Variants in DIAPH3 observed in about 807,000 individuals in gnomAD.
The protein encoded by DIAPH3 is diaphanous related formin 3.
DIAPH3 carries 117 observed loss-of-function variants against 144.3 expected under a neutral mutation model. The observed-to-expected ratio is 0.81, with a 90% CI of 0.70 to 0.95. The LOEUF is 0.95. DIAPH3 is among the 40% of genes least tolerant of loss of function. DIAPH3 has a pLI of 0.00. For missense variants in DIAPH3, 1,421 were observed against 1,412.7 expected (o/e 1.01, Z -0.09); for synonymous variants, 519 against 488.9 (o/e 1.06, Z -0.81).
chr13:60,042,871 C>T, intron 4 of DIAPH3, 51 bp from the exon 5 acceptor site: 1 of 1,596,454 alleles, frequency 6.3e-7, no homozygotes, highest in Non-Finnish European at 8.6e-7. Context: ...GGAGATTACC[C>T]ATTAAAAAAT....
At chr13:59,769,484 C>T (rs745879762) in intron 27 of DIAPH3, among the ~76,000 whole-genome samples, 1 of 152,016 alleles carries the variant, frequency 6.6e-6, no homozygotes, top group Non-Finnish European at 1.5e-5. Flanking sequence ...AACTCACTTG[C>T]TTATGAATTA....
In DIAPH3 at chr13:60,099,019, A is replaced by G. The variant is rs192797652; in HGVS notation, c.391-5287T>C. ...CTATTGGGCTGAATATATCACACTC[A>G]AAAACATCATTTGCCAAGTCACCTA... On this transcript the variant is annotated intron_variant, in intron 3 of 27. Transcript: ENST00000400324. 1.9e-3 allele frequency among the ~76,000 whole-genome samples: 288 copies of G among 152,320 alleles called. 3 individuals are homozygous for G. Among genetic ancestry groups the G allele is most frequent in the East Asian group, 1.2e-3 (6 of 5,186 alleles).
chr13:59,913,059 G>C (rs1030032107), intron 19 of DIAPH3, among the ~76,000 whole-genome samples: 8 of 152,068 alleles, frequency 5.3e-5, no homozygotes, highest in African/African-American at 1.9e-4. Flanking sequence ...AATTGCTTGA[G>C]ACCAAAAGAC....
At chr13:59,883,767 A>G (rs1470475117) in intron 20 of DIAPH3, among the ~76,000 whole-genome samples, 5 of 148,356 alleles carry the variant, frequency 3.4e-5, no homozygotes, top group African/African-American at 1.2e-4. Context: ...ACCATCTGGA[A>G]CTCAAGCTTC....
intron 4 of DIAPH3, among the ~76,000 whole-genome samples, chr13:60,065,253 TAAAAAAAAAAAA>T (rs11344639): frequency 7.9e-5 from 7 of 88,312 alleles, no homozygotes; most frequent in Non-Finnish European, 1.1e-4. Flanking sequence ...TTTAATTTAT[TAAAAAAAAAAAA>T]AAAAAAAAAA....
intron 22 of DIAPH3, among the ~76,000 whole-genome samples, chr13:59,844,195 A>G (rs1029724781): frequency 6.6e-6 from 1 of 151,986 alleles, no homozygotes; most frequent in Non-Finnish European, 1.5e-5. Flanking sequence ...ATCTTCAAAC[A>G]TAATTTTAGC....
At chr13:59,876,893 G>T (rs559385455) in intron 21 of DIAPH3, among the ~76,000 whole-genome samples, 1 of 152,110 alleles carries the variant, frequency 6.6e-6, no homozygotes, top group African/African-American at 2.4e-5. Context: ...TCCTTCTCAG[G>T]GAAAGCCTGA....
At chr13:59,701,244 G>C (rs2034096365) in intron 27 of DIAPH3, among the ~76,000 whole-genome samples, 2 of 152,156 alleles carry the variant, frequency 1.3e-5, no homozygotes, top group African/African-American at 4.8e-5. Context: ...ATATAACAAA[G>C]ATCTTGGCCT....
intron 22 of DIAPH3, among the ~76,000 whole-genome samples, chr13:59,841,397 C>T (rs1019869828): frequency 6.6e-6 from 1 of 151,806 alleles, no homozygotes; most frequent in Admixed American, 6.6e-5. Context: ...TCAAGACCAG[C>T]CTGGACAACA....
Position 59,774,777 on chromosome 13 carries a change from C to T in DIAPH3, c.3210G>A (p.Gln1070=). Reference sequence around the variant, plus strand: ...TTCTGTCGCGGAAGGCAGCCCCGGACTGCAAGGCCTCCAGCAGATTATCCA... The same window carrying T: ...TTCTGTCGCGGAAGGCAGCCCCGGATTGCAAGGCCTCCAGCAGATTATCCA... The part of the protein sequence containing the change: ...GVMDNLLEAL[Q]SGAAFRDRRK... Residue 1070 remains glutamine, a synonymous_variant, in exon 26 of 28, where the codon CAG becomes CAA. Coordinates refer to ENST00000400324, the MANE Select transcript of DIAPH3 (RefSeq NM_001042517.2). The T allele has an allele frequency of 6.2e-7, 1 of 1,614,196 alleles. No homozygotes were observed. Among genetic ancestry groups the T allele is most frequent in the Admixed American group, 1.7e-5 (1 of 60,028 alleles).
intron 20 of DIAPH3, among the ~76,000 whole-genome samples, chr13:59,906,812 T>C (rs1287456165): frequency 6.6e-6 from 1 of 152,224 alleles, no homozygotes; most frequent in East Asian, 1.9e-4. Flanking sequence ...ACTGCAAATT[T>C]TTAGGCCTCT....
At chr13:59,787,176 T>C (rs1034620310) in intron 25 of DIAPH3, among the ~76,000 whole-genome samples, 1 of 152,134 alleles carries the variant, frequency 6.6e-6, no homozygotes, top group Admixed American at 6.5e-5. Context: ...AGTCAATTCA[T>C]GATAAAGGTG....
intron 9 of DIAPH3, among the ~76,000 whole-genome samples, chr13:60,003,187 T>C (rs1024139326): frequency 2.0e-5 from 3 of 152,100 alleles, no homozygotes; most frequent in East Asian, 3.9e-4. Flanking sequence ...CATTAGAGCA[T>C]TGCTGTGATA....
At chr13:59,993,702 T>TA (rs3078724) in intron 9 of DIAPH3, among the ~76,000 whole-genome samples, 11,708 of 73,940 alleles carry the variant, frequency 0.16, 1,340 homozygotes, top group East Asian at 0.49. Flanking sequence ...GAAACATACT[T>TA]AAAAAAAAAA....
intron 22 of DIAPH3, among the ~76,000 whole-genome samples, chr13:59,848,348 G>T (rs1257235547): frequency 2.3e-4 from 30 of 130,848 alleles, no homozygotes; most frequent in Non-Finnish European, 3.6e-4. Flanking sequence ...TAAGTTTTAG[G>T]GTACATGTGC....
intron 20 of DIAPH3, among the ~76,000 whole-genome samples, chr13:59,894,469 G>A (rs991896362): frequency 4.0e-5 from 6 of 151,716 alleles, no homozygotes; most frequent in African/African-American, 1.5e-4. Context: ...CAAAGGAAGT[G>A]GTAATAAGAA....
At chr13:60,106,149 TCTC>T (rs1220125410) in intron 3 of DIAPH3, among the ~76,000 whole-genome samples, 2 of 152,098 alleles carry the variant, frequency 1.3e-5, no homozygotes, top group African/African-American at 4.8e-5. Flanking sequence ...GCCCTTCTTT[TCTC>T]CTCTGGAAAA....
chr13:59,770,423 A>G (rs147265305), intron 27 of DIAPH3, among the ~76,000 whole-genome samples: 271 of 152,168 alleles, frequency 1.8e-3, no homozygotes, highest in African/African-American at 6.1e-3. Flanking sequence ...CCTTGTCTCC[A>G]CTCTGATGAA....
At chr13:59,711,424 C>G (rs1455032402) in intron 27 of DIAPH3, among the ~76,000 whole-genome samples, 1 of 152,208 alleles carries the variant, frequency 6.6e-6, no homozygotes, top group African/African-American at 2.4e-5. Context: ...ACCATTCTCA[C>G]TGACTCAATG....
Sources: allele counts gnomAD v4.1 joint callset (sites outside exome capture counted in the v4.1 genomes callset), GRCh38; gene constraint gnomAD v4.1.1; transcripts MANE v1.5; gene names NCBI Gene and HGNC (gene_info 2026-07-23, HGNC 2026-07-21).